The following YJU2B variants were observed in gnomAD, a reference collection of about 807,000 sequenced individuals.
YJU2B encodes the protein YJU2 splicing factor homolog B, also known as probable splicing factor YJU2B.
Under a neutral mutation model 38.0 loss-of-function variants are expected in YJU2B, and 18 were observed. The ratio of observed to expected loss-of-function variants is 0.47; its 90% CI spans 0.33 to 0.70. The LOEUF is 0.70. Among genes scored for constraint, YJU2B ranks in the 30% least tolerant of loss-of-function variants. YJU2B has a pLI of 0.02. For missense variants in YJU2B, 538 were observed against 556.3 expected, an observed-to-expected ratio of 0.97 and a Z score of 0.33; for synonymous variants, 246 against 225.4, an observed-to-expected ratio of 1.09 and a Z score of -0.82.
At chr19:13,736,172 G>C (rs1004794950) in intron 2 of YJU2B, among the ~76,000 whole-genome samples, 1 of 151,192 alleles carries the variant, frequency 6.6e-6, no homozygotes, top group Non-Finnish European at 1.5e-5. Context: ...TAGTTCTTCT[G>C]ACCTGGCTAA....
chr19:13,756,403 G>A (rs531932347), intron 4 of YJU2B, 124 bp downstream of exon 4: 23 of 724,144 alleles, frequency 3.2e-5, no homozygotes, highest in Admixed American at 1.5e-4. Flanking sequence ...GAAAGTCACC[G>A]TATCAGTCAG....
intron 2 of YJU2B, among the ~76,000 whole-genome samples, chr19:13,736,618 CATTT>C (rs1246064614): frequency 6.6e-6 from 1 of 152,050 alleles, no homozygotes; most frequent in Non-Finnish European, 1.5e-5. Flanking sequence ...CTCCCTCATT[CATTT>C]ATTGATTCAT....
intron 2 of YJU2B, among the ~76,000 whole-genome samples, chr19:13,740,728 G>A (rs991369840): frequency 6.6e-6 from 1 of 152,090 alleles, no homozygotes; most frequent in African/African-American, 2.4e-5. Context: ...GTGGAGATGG[G>A]GTTTCACCAT....
chr19:13,754,231 G>T, intron 2 of YJU2B, 58 bp from the exon 3 acceptor site: 1 of 1,412,846 alleles, frequency 7.1e-7, no homozygotes, highest in Non-Finnish European at 1.0e-6. Context: ...ATTTGGGTAG[G>T]GACACAGCCA....
rs201780229 is a variant in YJU2B, at chr19:13,762,323, G to A, written c.598G>A (p.Glu200Lys). The A allele has an allele frequency of 3.8e-5, 61 of 1,613,888 alleles. No individual in the cohort carries two copies. The African/African-American group carries it at 7.2e-4, about 19-fold the overall frequency. Residue 200 changes from glutamate to lysine, a missense_variant, in exon 9 of 10, where the codon GAG becomes AAG. Around this residue, in one of 2 missense-constraint regions of YJU2B, gnomAD observed 488 missense variants for 469.5 expected, o/e 1.04. Transcript: ENST00000221554. ...GGAAAAGAAAAAAGCCATCCAGGAG[G>A]AGGAGGAGAGAGACCAGGCCTTGCA... ...FREKKKAIQE[E>K]EERDQALQAK...
chr19:13,759,070 C>A, intron 7 of YJU2B, 30 bp from the exon 8 acceptor site: 1 of 1,612,628 alleles, frequency 6.2e-7, no homozygotes, highest in East Asian at 2.2e-5. Context: ...CTGGGGCCCC[C>A]AAAGCCCAGC....
chr19:13,732,799 G>A (rs901395213), intron 2 of YJU2B, among the ~76,000 whole-genome samples: 2 of 151,786 alleles, frequency 1.3e-5, no homozygotes, highest in Non-Finnish European at 1.5e-5. Flanking sequence ...AGTAGAGACC[G>A]GGTTTCACCG....
upstream of YJU2B, among the ~76,000 whole-genome samples, chr19:13,745,706 TATCTA>T (rs1568280982): frequency 2.1e-5 from 1 of 47,980 alleles, no homozygotes; most frequent in Non-Finnish European, 4.5e-5. Context: ...GATATATAGA[TATCTA>T]TAGATCTATA....
At chr19:13,752,413 G>C (rs1173513850) in intron 2 of YJU2B, among the ~76,000 whole-genome samples, 2 of 150,990 alleles carry the variant, frequency 1.3e-5, no homozygotes, top group Admixed American at 6.6e-5. Context: ...TTTGAGACCA[G>C]CCTGGCCAAC....
At chr19:13,736,250 CTT>C (rs1164933759) in intron 2 of YJU2B, among the ~76,000 whole-genome samples, 2 of 130,268 alleles carry the variant, frequency 1.5e-5, no homozygotes, top group Non-Finnish European at 3.2e-5. Flanking sequence ...GCTTTTCTTT[CTT>C]TCTTTTTTTT....
intron 7 of YJU2B, 42 bp from the exon 8 acceptor site, chr19:13,759,057 GC>G (rs1216885639): frequency 5.6e-6 from 9 of 1,612,378 alleles, no homozygotes; most frequent in Non-Finnish European, 7.6e-6. Flanking sequence ...CCCTGAGTCT[GC>G]GCTGGGGCCC....
chr19:13,749,846 G>C (rs1013872654), intron 1 of YJU2B, among the ~76,000 whole-genome samples: 3 of 152,024 alleles, frequency 2.0e-5, no homozygotes, highest in African/African-American at 4.8e-5. Context: ...TGTTTGCCAG[G>C]ATGGTCTCGA....
Position 13,762,747 on chromosome 19 carries a change from C to T in YJU2B, c.870C>T (p.Val290=), listed in dbSNP as rs544044498. The T allele has an allele frequency of 3.7e-6, 6 of 1,608,602 alleles. No individual in the cohort carries two copies. Among genetic ancestry groups the T allele is most frequent in the East Asian group, 4.5e-5 (2 of 44,784 alleles). ...RTALATSPIT[V]GDLGIVRRRS... ...CGCTTGCCACCTCCCCCATCACCGT[C>T]GGGGACCTGGGCATCGTGCGGCGGA... The change falls in exon 10 of 10, where the codon GTC becomes GTT. Residue 290 remains valine, a synonymous_variant. Transcript: ENST00000221554.
intron 2 of YJU2B, 110 bp downstream of exon 2, chr19:13,751,921 G>A: frequency 9.3e-7 from 1 of 1,078,130 alleles, no homozygotes; most frequent in Non-Finnish European, 1.4e-6. Flanking sequence ...TCAATCTCCG[G>A]GTCATCATCT....
At chr19:13,755,883 G>A (rs1599526139) in intron 3 of YJU2B, among the ~76,000 whole-genome samples, 6 of 152,022 alleles carry the variant, frequency 3.9e-5, no homozygotes, top group African/African-American at 9.7e-5. Context: ...ACTTGAACCC[G>A]GGAGGCAGAG....
chr19:13,741,368 T>C (rs755170685), intron 2 of YJU2B, among the ~76,000 whole-genome samples: 1 of 151,736 alleles, frequency 6.6e-6, no homozygotes, highest in Non-Finnish European at 1.5e-5. Context: ...TTGGTCAGGC[T>C]GATCTCAAAC....
Position 13,758,965 on chromosome 19 carries a change from G to A in YJU2B, c.355G>A (p.Glu119Lys), listed in dbSNP as rs749513786. The A allele has an allele frequency of 1.8e-5, 29 of 1,613,826 alleles. 1 individual carries two copies. In the South Asian group the frequency reaches 2.7e-4, roughly 15 times the overall value. Residue 119 changes from glutamate to lysine, a missense_variant, in exon 7 of 10, where the codon GAG (glutamate) becomes AAG (lysine). By Grantham distance (56) the Glu-to-Lys change is moderately conservative. Around this residue, in one of 2 missense-constraint regions of YJU2B, gnomAD observed 488 missense variants for 469.5 expected, o/e 1.04. Transcript: ENST00000221554. ...YVIVSGAQRK[E>K]ERWDMADNEQ... ...GATCGTGAGTGGCGCCCAGCGCAAG[G>A]AGGAGCGCTGGGACATGGCGGACAA...
intron 1 of YJU2B, 115 bp downstream of exon 1, chr19:13,748,069 C>T (rs1190239208): frequency 6.6e-6 from 1 of 152,142 alleles, no homozygotes; most frequent in East Asian, 1.9e-4. Flanking sequence ...AGCTGAGGAC[C>T]CGATTTAGAT....
intron 2 of YJU2B, among the ~76,000 whole-genome samples, chr19:13,737,046 A>G (rs1042537114): frequency 5.0e-4 from 76 of 151,604 alleles, no homozygotes; most frequent in Non-Finnish European, 1.0e-3. Context: ...AAAAAAAGAA[A>G]AAAGAGGGTC....
Sources: allele counts gnomAD v4.1 joint callset (sites outside exome capture counted in the v4.1 genomes callset), GRCh38; gene constraint gnomAD v4.1.1; regional missense constraint gnomAD v4.1.1; transcripts MANE v1.5; gene names NCBI Gene and HGNC (gene_info 2026-07-23, HGNC 2026-07-21).